LRRFIP1: variants seen among roughly 807,000 people sequenced by gnomAD.
The protein encoded by LRRFIP1 is leucine-rich repeat flightless-interacting protein 1.
A neutral mutation model predicts 104.4 loss-of-function variants in LRRFIP1; 62 were observed. The observed-to-expected ratio is 0.59, with a 90% CI of 0.48 to 0.73. The LOEUF is 0.73. Ranked by LOEUF, LRRFIP1 falls within the 30% of genes least tolerant of loss-of-function variation. The probability of loss-of-function intolerance (pLI) is 0.00; values close to 1 mark genes in which losing one functional copy is unlikely to be tolerated. For synonymous variants in LRRFIP1, 300 were observed against 299.0 expected (o/e 1.00, Z -0.03); for missense variants, 796 against 824.5 (o/e 0.97, Z 0.42).
chr2:237,680,607 C>T (rs950923105), intron 1 of LRRFIP1, among the ~76,000 whole-genome samples: 2 of 152,156 alleles, frequency 1.3e-5, no homozygotes, highest in African/African-American at 4.8e-5. Context: ...GAACCAATGC[C>T]CCTTGAATAC....
At chr2:237,722,639 T>C (rs78199920) in intron 6 of LRRFIP1, among the ~76,000 whole-genome samples, 1,711 of 152,334 alleles carry the variant, frequency 0.011, 26 homozygotes, top group African/African-American at 0.038. Flanking sequence ...TTCAGCCACA[T>C]GACACTTTCC....
rs770757272 is a variant in LRRFIP1, at chr2:237,749,337, CTT to C, written c.795+14_795+15del. The C allele has an allele frequency of 6.2e-7, 1 of 1,612,734 alleles. No individual in the cohort carries two copies. On this transcript the variant is annotated intron_variant, in intron 13 of 23. Coordinates refer to ENST00000308482, the MANE Select transcript of LRRFIP1 (RefSeq NM_001137550.2). ...CAGGGAAATCAAGGTGAGATGCTCT[CTT>C]CTTACTGACAACTTGAGAGAACCTT...
chr2:237,681,697 T>TTTTTTTTTTTTTTTGG (rs1161155692), intron 1 of LRRFIP1, among the ~76,000 whole-genome samples: 1 of 107,854 alleles, frequency 9.3e-6, no homozygotes, highest in African/African-American at 3.3e-5. Context: ...TTTTTTTTTT[T>TTTTTTTTTTTTTTTGG]GAGACGGAGT....
intron 1 of LRRFIP1, among the ~76,000 whole-genome samples, chr2:237,630,568 T>A (rs1181163543): frequency 6.6e-6 from 1 of 152,236 alleles, no homozygotes; most frequent in Non-Finnish European, 1.5e-5. Context: ...AGCCGGCCAG[T>A]GGTCTCAGAA....
chr2:237,738,191 G>A (rs1025636692), intron 10 of LRRFIP1, among the ~76,000 whole-genome samples: 1 of 151,506 alleles, frequency 6.6e-6, no homozygotes, highest in African/African-American at 2.4e-5. Flanking sequence ...ATGAGATCTG[G>A]AGCACCCATG....
chr2:237,760,989 C>T (rs56177761), intron 19 of LRRFIP1, among the ~76,000 whole-genome samples: 15 of 152,302 alleles, frequency 9.8e-5, no homozygotes, highest in South Asian at 4.1e-4. Context: ...GAAGTTGCAG[C>T]GTGCAAGTGA....
intron 14 of LRRFIP1, 81 bp from the exon 15 acceptor site, chr2:237,753,228 T>G (rs201776249): frequency 4.5e-4 from 262 of 587,700 alleles, no homozygotes; most frequent in South Asian, 1.3e-3. Context: ...GGACTGAGGG[T>G]TTTTTTTTAA....
chr2:237,667,698 T>G (rs1348259017), intron 1 of LRRFIP1, among the ~76,000 whole-genome samples: 2 of 152,132 alleles, frequency 1.3e-5, no homozygotes, highest in African/African-American at 4.8e-5. Flanking sequence ...GGAGCACACG[T>G]TTGTTCATTC....
At chr2:237,692,078 G>A (rs2092817336) in intron 1 of LRRFIP1, 2 of 560,674 alleles carry the variant, frequency 3.6e-6, no homozygotes, top group African/African-American at 2.3e-5. Context: ...GGGCGGGGGC[G>A]GTGGGGCGAG....
At chr2:237,659,434 G>A (rs1237788504) in intron 1 of LRRFIP1, among the ~76,000 whole-genome samples, 2 of 151,992 alleles carry the variant, frequency 1.3e-5, no homozygotes, top group African/African-American at 4.8e-5. Flanking sequence ...TGGGGACAGA[G>A]AGCAAACCAT....
chr2:237,743,730 T>G (rs887822762), intron 11 of LRRFIP1, among the ~76,000 whole-genome samples: 38 of 152,182 alleles, frequency 2.5e-4, no homozygotes, highest in South Asian at 8.3e-4. Flanking sequence ...TGTTGGGTGA[T>G]CACACGTTGT....
intron 1 of LRRFIP1, among the ~76,000 whole-genome samples, chr2:237,701,809 C>T (rs1001784346): frequency 2.0e-5 from 3 of 152,222 alleles, no homozygotes; most frequent in Non-Finnish European, 4.4e-5. Context: ...CTTTGCAAAG[C>T]ACCTCCTAAC....
chr2:237,748,272 G>A (rs1333598200), intron 11 of LRRFIP1, 92 bp from the exon 12 acceptor site: 4 of 965,248 alleles, frequency 4.1e-6, no homozygotes, highest in Non-Finnish European at 6.5e-6. Context: ...CAAATGTTTT[G>A]TTTTGTTTTG....
chr2:237,758,482 T>C (rs1466761909), intron 17 of LRRFIP1, among the ~76,000 whole-genome samples: 1 of 152,248 alleles, frequency 6.6e-6, no homozygotes, highest in Non-Finnish European at 1.5e-5. Flanking sequence ...GGCCCCGTGC[T>C]GTGTCCGTGT....
At position 237,757,487 on chromosome 2, in the gene LRRFIP1, G is replaced by A. The variant is rs1249688728; in HGVS notation, c.1163G>A (p.Ser388Asn). The A allele has an allele frequency of 6.3e-7, 1 of 1,596,898 alleles. No individual in the cohort carries two copies. Among genetic ancestry groups the A allele is most frequent in the Non-Finnish European group, 8.5e-7 (1 of 1,171,572 alleles). ...CGACAGCTACAGCAGAAACAGGCGA[G>A]TTCTATCAGGGAGATTTCTGATCTT... is the stretch of plus-strand genomic sequence containing the variant. Reference protein sequence around the residue: ...EIRQLQQKQASSIREISDLQE... With the variant: ...EIRQLQQKQANSIREISDLQE... Residue 388 changes from serine to asparagine, a missense_variant, in exon 17 of 24, where the codon AGT becomes AAT. Physicochemically the swap from Ser to Asn is conservative, Grantham distance 46 (BLOSUM62 1). Coordinates refer to ENST00000308482, the MANE Select transcript of LRRFIP1 (RefSeq NM_001137550.2).
At chr2:237,714,366 C>A in intron 3 of LRRFIP1, 90 bp downstream of exon 3, 1 of 1,001,248 alleles carries the variant, frequency 1.0e-6, no homozygotes, top group Non-Finnish European at 1.5e-6. Flanking sequence ...ACACCTTGCA[C>A]TGAAGATACA....
chr2:237,653,308 G>C (rs1407320743), intron 1 of LRRFIP1, among the ~76,000 whole-genome samples: 1 of 152,114 alleles, frequency 6.6e-6, no homozygotes, highest in East Asian at 1.9e-4. Flanking sequence ...AAACAAGGAG[G>C]TGAAGGATCT....
intron 20 of LRRFIP1, among the ~76,000 whole-genome samples, chr2:237,770,972 G>A (rs1326573824): frequency 2.6e-5 from 4 of 152,094 alleles, no homozygotes; most frequent in African/African-American, 7.2e-5. Flanking sequence ...CACTAAATAT[G>A]GTAGGAAGAT....
chr2:237,775,945 A>ATTTATTTTAT (rs1553718234), intron 23 of LRRFIP1, among the ~76,000 whole-genome samples: 261 of 151,822 alleles, frequency 1.7e-3, no homozygotes, highest in Middle Eastern at 6.8e-3. Context: ...TTATTTATTT[A>ATTTATTTTAT]TTTATTTTAT....
Sources: gnomAD v4.1 joint callset for allele counts (sites outside exome capture counted in the v4.1 genomes callset) on GRCh38, gnomAD v4.1.1 for gene constraint, MANE v1.5 for transcripts, NCBI Gene and HGNC (gene_info 2026-07-23, HGNC 2026-07-21) for gene names.